Variants in RRP12 observed in about 807,000 individuals in gnomAD.
RRP12 encodes the protein ribosomal RNA processing 12 homolog.
RRP12 carries 78 observed loss-of-function variants against 157.3 expected under a neutral mutation model. That is an observed-to-expected ratio of 0.50 (90% CI 0.41 to 0.60). The LOEUF (loss-of-function observed/expected upper bound fraction) is 0.60. Among genes scored for constraint, RRP12 ranks in the 20% least tolerant of loss-of-function variants. The probability of loss-of-function intolerance (pLI) is 0.00; values close to 1 mark genes in which losing one functional copy is unlikely to be tolerated. For missense variants in RRP12, 1,521 were observed against 1,679.9 expected (o/e 0.91, Z 1.65); for synonymous variants, 726 against 670.9 (o/e 1.08, Z -1.27).
intron 13 of RRP12, among the ~76,000 whole-genome samples, 191 bp downstream of exon 13, chr10:97,380,608 C>T (rs1460326266): frequency 1.3e-5 from 2 of 152,190 alleles, no homozygotes; most frequent in Non-Finnish European, 2.9e-5. Flanking sequence ...GGGACTGCCA[C>T]CCTTTTTCCT....
intron 20 of RRP12, 149 bp from the exon 21 acceptor site, chr10:97,371,230 G>A (rs890176479): frequency 3.5e-5 from 29 of 833,750 alleles, no homozygotes; most frequent in East Asian, 2.1e-4. Context: ...TGTGGACAGC[G>A]AGTGGCTAAC....
intron 6 of RRP12, among the ~76,000 whole-genome samples, chr10:97,389,144 G>A (rs1176026254): frequency 1.3e-5 from 2 of 152,190 alleles, no homozygotes; most frequent in Non-Finnish European, 2.9e-5. Flanking sequence ...AGCCCAGGCG[G>A]AGTGCAGTGG....
At chr10:97,366,660 G>A in intron 27 of RRP12, 39 bp from the exon 28 acceptor site, 1 of 1,601,190 alleles carries the variant, frequency 6.2e-7, no homozygotes, top group Non-Finnish European at 8.5e-7. Context: ...GCTCCCAGGA[G>A]AGGCGGGGGT....
At position 97,393,561 on chromosome 10, in the gene RRP12, G is replaced by A. The variant is rs940228715; in HGVS notation, c.530+123C>T. On this transcript the variant is annotated intron_variant, in intron 4 of 33. Coordinates refer to ENST00000370992, the MANE Select transcript of RRP12 (RefSeq NM_015179.4). ...TGCTGGCCCATTCTGCATGCCTCTA[G>A]ACAATGTTCATGAAGAGCAAGTATC... 22 of 830,096 alleles carry A rather than the reference G, an allele frequency of 2.7e-5. No homozygotes were observed. The Middle Eastern group carries it at 1.8e-3, about 69-fold the overall frequency. The allele number at this position is 830,096 out of a possible 1,614,324, so 51.4% of individuals were successfully genotyped here. A position where few individuals can be genotyped will look rare whatever the true frequency, so the allele number is the denominator to read the frequency against.
intron 15 of RRP12, among the ~76,000 whole-genome samples, chr10:97,379,027 G>GGCCCAGTT (rs1259137893): frequency 1.3e-5 from 2 of 152,234 alleles, no homozygotes; most frequent in African/African-American, 4.8e-5. Context: ...GGAAGAACAA[G>GGCCCAGTT]GCCCAGTTGG....
At chr10:97,362,714 C>T (rs1843876648) in intron 30 of RRP12, among the ~76,000 whole-genome samples, 1 of 152,172 alleles carries the variant, frequency 6.6e-6, no homozygotes, top group Admixed American at 6.5e-5. Flanking sequence ...AGGGGCTTCC[C>T]GCATCAGAGG....
At chr10:97,385,353 G>T in intron 9 of RRP12, 96 bp from the exon 10 acceptor site, 1 of 976,530 alleles carries the variant, frequency 1.0e-6, no homozygotes, top group Non-Finnish European at 1.6e-6. Flanking sequence ...AATGTCCTGG[G>T]GACAGTGCTT....
At position 97,358,972 on chromosome 10, in the gene RRP12, C is replaced by T. The variant is rs1449736316; in HGVS notation, c.3679G>A (p.Ala1227Thr). ...SGIHRPVAKK[A>T]MPGAEYKAKK... ...GCCTTGTATTCAGCCCCAGGCATAG[C>T]CTTCTTGGCCACAGGGCGATGAATG... is the stretch of plus-strand genomic sequence containing the variant. The change falls in exon 32 of 34, where the codon GCT (alanine) becomes ACT (threonine). Residue 1227 changes from alanine to threonine, a missense_variant. Transcript: ENST00000370992. 3.1e-6 allele frequency: 5 copies of T among 1,613,840 alleles called. No homozygotes were observed. Among genetic ancestry groups the T allele is most frequent in the African/African-American group, 1.3e-5 (1 of 74,932 alleles).
intron 25 of RRP12, among the ~76,000 whole-genome samples, chr10:97,368,891 A>G (rs558412213): frequency 2.2e-4 from 34 of 152,364 alleles, no homozygotes; most frequent in Non-Finnish European, 4.1e-4. Flanking sequence ...CAGTAGGTAC[A>G]GTGCACAGCT....
At position 97,379,765 on chromosome 10, in the gene RRP12, G is replaced by A. The variant is rs148268099; in HGVS notation, c.1539C>T (p.Leu513=). 410 of 1,608,830 alleles carry A rather than the reference G, an allele frequency of 2.5e-4. No individual in the cohort carries two copies. The Middle Eastern group carries it at 6.7e-3, about 26-fold the overall frequency. ...AGAGGCGCAGGTCACACAGGGACTG[G>A]AGGCACTGCAGCAGAGATGAGTGAC... is the stretch of plus-strand genomic sequence containing the variant. ...RQAHPVMRKC[L]QSLCDLRLSP... is the part of the protein sequence containing the mutation. Residue 513 remains leucine (L), a synonymous_variant, in exon 14 of 34, where the codon CTC becomes CTT. Coordinates refer to ENST00000370992, the MANE Select transcript of RRP12 (RefSeq NM_015179.4).
chr10:97,358,288 G>A (rs923978311), intron 33 of RRP12, among the ~76,000 whole-genome samples: 4 of 151,876 alleles, frequency 2.6e-5, no homozygotes, highest in East Asian at 1.9e-4. Flanking sequence ...AGCCAAGATC[G>A]CACCACTGCA....
At chr10:97,360,862 C>T (rs1392908297) in intron 30 of RRP12, among the ~76,000 whole-genome samples, 2 of 152,190 alleles carry the variant, frequency 1.3e-5, no homozygotes, top group African/African-American at 2.4e-5. Context: ...TGGTGGCGGC[C>T]GTTCCTGCTC....
intron 6 of RRP12, among the ~76,000 whole-genome samples, chr10:97,389,242 C>T (rs371524553): frequency 1.9e-3 from 284 of 152,092 alleles, no homozygotes; most frequent in African/African-American, 6.7e-3. Context: ...TACAGGCGCC[C>T]GCCACCACAC....
chr10:97,358,769 G>A, intron 32 of RRP12, 150 bp from the exon 33 acceptor site: 1 of 790,562 alleles, frequency 1.3e-6, no homozygotes, highest in Non-Finnish European at 2.2e-6. Context: ...ATTCAATAAG[G>A]TCCCCCATTT....
At chr10:97,375,999 G>A (rs1844294821) in intron 15 of RRP12, among the ~76,000 whole-genome samples, 1 of 151,992 alleles carries the variant, frequency 6.6e-6, no homozygotes, top group African/African-American at 2.4e-5. Context: ...AGCTACTCAG[G>A]AGGCTGAGGC....
chr10:97,373,727 A>G lies in RRP12; in HGVS notation c.1874T>C (p.Leu625Pro). The change falls in exon 17 of 34, where the codon CTC (leucine) becomes CCC (proline). Residue 625 changes from leucine to proline, a missense_variant. Transcript: ENST00000370992. ...AGGCCTTGTGCAGAACCCAGGCAGG[A>G]GTGTCCACATCTGGAGAAGGAGGGG... Reference protein sequence around the residue: ...YDTLQWQMWTLLPGFCTRPTD... With the variant: ...YDTLQWQMWTPLPGFCTRPTD... The G allele has an allele frequency of 6.2e-7, 1 of 1,612,880 alleles. No individual in the cohort carries two copies. Among genetic ancestry groups the G allele is most frequent in the Non-Finnish European group, 8.5e-7 (1 of 1,179,038 alleles).
At position 97,370,466 on chromosome 10, in the gene RRP12, G is replaced by A. The variant is rs781271284; in HGVS notation, c.2678C>T (p.Ser893Leu). 4 of 1,601,608 alleles carry A rather than the reference G, an allele frequency of 2.5e-6. No individual in the cohort carries two copies. The highest frequency in any genetic ancestry group is 1.4e-5 in the African/African-American group (1 of 74,010). ...CCCCTGGGCCTCACCTTCCTGGTTC[G>A]AGCCAAACCTTAGGAAAGCATGGCC... ...EMGHAFLRFG[S>L]NQEEALQCYL... Residue 893 changes from serine to leucine, a missense_variant, in exon 23 of 34, where the codon TCG becomes TTG. By Grantham distance (145) the Ser-to-Leu change is moderately radical (BLOSUM62 -2). Transcript: ENST00000370992.
intron 8 of RRP12, chr10:97,388,044 G>A (rs1310323208): frequency 1.7e-6 from 1 of 577,692 alleles, no homozygotes; most frequent in East Asian, 3.2e-5. Context: ...ACTCTGACCT[G>A]ATCTCTGAGG....
At position 97,366,533 on chromosome 10, in the gene RRP12, G is replaced by A. The variant is rs1317889263; in HGVS notation, c.3304C>T (p.Arg1102Ter). ...SRGKEQRKLA[R>*]QRSRAWLKEG... The stretch of plus-strand genomic sequence containing the variant: ...TTCAGCCATGCCCGGCTCCTCTGTC[G>A]TGCCAGCTTCCGCTGCTCCTTGCCT... Residue 1102 changes from arginine to a stop codon, truncating the protein, a stop_gained, in exon 28 of 34, where the codon CGA becomes TGA. Transcript: ENST00000370992. LOFTEE classifies it high-confidence loss of function. 27 of 1,614,074 alleles carry A rather than the reference G, an allele frequency of 1.7e-5. No homozygotes were observed. The highest frequency in any genetic ancestry group is 2.7e-5 in the African/African-American group (2 of 75,052).
Sources: gnomAD v4.1 joint callset for allele counts (sites outside exome capture counted in the v4.1 genomes callset) on GRCh38, gnomAD v4.1.1 for gene constraint, MANE v1.5 for transcripts, NCBI Gene and HGNC (gene_info 2026-07-23, HGNC 2026-07-21) for gene names.